The following ST8SIA4 variants were observed in gnomAD, a reference collection of about 807,000 sequenced individuals.
ST8SIA4 encodes ST8 alpha-N-acetyl-neuraminide alpha-2,8-sialyltransferase 4.
A neutral mutation model predicts 33.9 loss-of-function variants in ST8SIA4; 15 were observed. That is an observed-to-expected ratio of 0.44 (90% CI 0.30 to 0.68). ST8SIA4 has a LOEUF of 0.68. Ranked by LOEUF, ST8SIA4 falls within the 30% of genes least tolerant of loss-of-function variation. The pLI, the probability that ST8SIA4 is intolerant of heterozygous loss-of-function variation, is 0.10. For synonymous variants in ST8SIA4, 171 were observed against 151.2 expected, an observed-to-expected ratio of 1.13 and a Z score of -0.96; for missense variants, 321 against 428.0, an observed-to-expected ratio of 0.75 and a Z score of 2.21.
chr5:100,832,371 A>G (rs1751282553), intron 4 of ST8SIA4, among the ~76,000 whole-genome samples: 1 of 152,138 alleles, frequency 6.6e-6, no homozygotes, highest in South Asian at 2.1e-4. Flanking sequence ...ATATTTTCGT[A>G]TCGCAGATGT....
Position 100,810,968 on chromosome 5 carries a change from G to A in ST8SIA4, c.*879C>T, listed in dbSNP as rs1268889855. 1 of 152,228 alleles carries A rather than the reference G, an allele frequency of 6.6e-6. No homozygotes were observed. The highest frequency in any genetic ancestry group is 2.4e-5 in the African/African-American group (1 of 41,420). 9.4% of individuals were successfully genotyped at this position (152,228 alleles called of 1,614,324 possible). ...CAAGGCGGGTGGATCACGAGGTCAG[G>A]AGATTGAGACCATCCTGGCTAACAC... On this transcript the variant is annotated 3_prime_UTR_variant, in exon 5 of 5. Transcript: ENST00000231461.
At chr5:100,849,343 T>C in intron 4 of ST8SIA4, 10 of 985,416 alleles carry the variant, frequency 1.0e-5, no homozygotes, top group Non-Finnish European at 1.2e-5. Context: ...GAAAGGTTTG[T>C]TTTCGTCTTC....
intron 3 of ST8SIA4, among the ~76,000 whole-genome samples, chr5:100,868,722 T>G (rs1259135167): frequency 6.6e-6 from 1 of 152,084 alleles, no homozygotes; most frequent in Non-Finnish European, 1.5e-5. Context: ...TGCTGATGTC[T>G]CTACCTGAAA....
chr5:100,835,660 T>C (rs1383445877), intron 4 of ST8SIA4, among the ~76,000 whole-genome samples: 1 of 152,180 alleles, frequency 6.6e-6, no homozygotes, highest in Non-Finnish European at 1.5e-5. Context: ...ATGCTGTGGT[T>C]GCCAATTATT....
chr5:100,837,206 T>A (rs1408325850), intron 4 of ST8SIA4, among the ~76,000 whole-genome samples: 1 of 152,014 alleles, frequency 6.6e-6, no homozygotes, highest in East Asian at 1.9e-4. Context: ...AAATACTTTT[T>A]CTTTGTCCAA....
intron 4 of ST8SIA4, among the ~76,000 whole-genome samples, chr5:100,821,723 T>C (rs907471727): frequency 1.3e-5 from 2 of 152,276 alleles, no homozygotes; most frequent in African/African-American, 4.8e-5. Flanking sequence ...TCCCAGCAAA[T>C]GAATAGAATT....
Position 100,886,490 on chromosome 5 carries a change from T to C in ST8SIA4, c.356A>G (p.Asn119Ser). The C allele has an allele frequency of 1.2e-6, 2 of 1,613,910 alleles. No homozygotes were observed. The highest frequency in any genetic ancestry group is 2.2e-5 in the South Asian group (2 of 91,076). Residue 119 changes from asparagine (N) to serine (S), a missense_variant, in exon 3 of 5, where the codon AAC becomes AGC. Transcript: ENST00000231461. ...HYVLDRRRTL[N>S]ISHDLHSLLP... ...GAGGCTATGTAGATCATGAGAAATGTTTAGTGTCCGGCGCCTGTCAAGCAC... is the reference window on the plus strand; with the variant it reads ...GAGGCTATGTAGATCATGAGAAATGCTTAGTGTCCGGCGCCTGTCAAGCAC...
chr5:100,869,252 A>C (rs1220778991), intron 3 of ST8SIA4, among the ~76,000 whole-genome samples: 1 of 152,184 alleles, frequency 6.6e-6, no homozygotes, highest in Non-Finnish European at 1.5e-5. Flanking sequence ...TTGGCTTTGG[A>C]GTACATTTTT....
intron 3 of ST8SIA4, among the ~76,000 whole-genome samples, chr5:100,870,655 T>C (rs562096329): frequency 6.6e-6 from 1 of 152,170 alleles, no homozygotes; most frequent in African/African-American, 2.4e-5. Flanking sequence ...TTAAAATTTT[T>C]ACTTGTAGAT....
intron 2 of ST8SIA4, among the ~76,000 whole-genome samples, chr5:100,892,229 A>G (rs996238090): frequency 1.3e-5 from 2 of 152,158 alleles, no homozygotes; most frequent in Admixed American, 6.6e-5. Flanking sequence ...AGTTGCAAGT[A>G]TTGGACATAA....
intron 3 of ST8SIA4, among the ~76,000 whole-genome samples, chr5:100,857,563 A>G (rs1751844870): frequency 1.3e-5 from 2 of 151,968 alleles, no homozygotes; most frequent in Non-Finnish European, 2.9e-5. Flanking sequence ...CAGCCTTTCA[A>G]GGGAAGGGAT....
chr5:100,901,097 G>C (rs573003589), intron 1 of ST8SIA4, among the ~76,000 whole-genome samples: 9 of 152,232 alleles, frequency 5.9e-5, no homozygotes, highest in African/African-American at 2.2e-4. Context: ...TCCAGGAAAG[G>C]GCCACAGGAG....
At chr5:100,853,649 G>A (rs975841278) in intron 4 of ST8SIA4, among the ~76,000 whole-genome samples, 3 of 152,196 alleles carry the variant, frequency 2.0e-5, no homozygotes, top group Non-Finnish European at 2.9e-5. Context: ...AAGTGAATAG[G>A]ACAAAAGATA....
intron 1 of ST8SIA4, among the ~76,000 whole-genome samples, chr5:100,900,668 C>T (rs1168906729): frequency 6.6e-6 from 1 of 151,388 alleles, no homozygotes; most frequent in Non-Finnish European, 1.5e-5. Flanking sequence ...GCGACGTTCG[C>T]GGCCAGCCCT....
chr5:100,829,419 G>A (rs1441170602), intron 4 of ST8SIA4, among the ~76,000 whole-genome samples: 1 of 151,998 alleles, frequency 6.6e-6, no homozygotes, highest in Non-Finnish European at 1.5e-5. Flanking sequence ...TAAATGCTTT[G>A]ATAAATCTTT....
At chr5:100,854,475 T>C (rs942045825) in intron 4 of ST8SIA4, among the ~76,000 whole-genome samples, 2 of 151,782 alleles carry the variant, frequency 1.3e-5, no homozygotes, top group African/African-American at 2.4e-5. Flanking sequence ...CCCAGCTACT[T>C]GGGAGGCTGA....
intron 4 of ST8SIA4, among the ~76,000 whole-genome samples, chr5:100,831,644 A>T (rs1751263904): frequency 6.6e-6 from 1 of 151,966 alleles, no homozygotes; most frequent in Non-Finnish European, 1.5e-5. Flanking sequence ...ATATTTTCTC[A>T]TCTCCATTGT....
intron 4 of ST8SIA4, among the ~76,000 whole-genome samples, chr5:100,839,420 T>C (rs1751429118): frequency 6.6e-6 from 1 of 151,994 alleles, no homozygotes; most frequent in Non-Finnish European, 1.5e-5. Context: ...GCTTCAGAAC[T>C]CAGCTATAGA....
At chr5:100,822,791 T>A (rs2544916) in intron 4 of ST8SIA4, among the ~76,000 whole-genome samples, 135,900 of 152,046 alleles carry the variant, frequency 0.89, 61,662 homozygotes, top group Middle Eastern at 0.98. Flanking sequence ...TGAGACAGAA[T>A]GTCAACACAA....
Sources: gnomAD v4.1 joint callset for allele counts (sites outside exome capture counted in the v4.1 genomes callset) on GRCh38, gnomAD v4.1.1 for gene constraint, MANE v1.5 for transcripts, NCBI Gene and HGNC (gene_info 2026-07-23, HGNC 2026-07-21) for gene names.